GPC5: variants seen among roughly 807,000 people sequenced by gnomAD.
GPC5 encodes glypican 5.
In GPC5, 47 loss-of-function variants were observed where a neutral mutation model predicts 53.9. The observed-to-expected ratio is 0.87, with a 90% CI of 0.69 to 1.11. GPC5 has a LOEUF of 1.11. Ranked by LOEUF, GPC5 falls within the 50% of genes most tolerant of loss-of-function variation. GPC5 has a pLI of 0.00. For synonymous variants in GPC5, 286 were observed against 263.3 expected, an observed-to-expected ratio of 1.09 and a Z score of -0.84; for missense variants, 748 against 713.1, an observed-to-expected ratio of 1.05 and a Z score of -0.56.
At chr13:91,803,390 C>T (rs2038166546) in intron 5 of GPC5, among the ~76,000 whole-genome samples, 1 of 151,902 alleles carries the variant, frequency 6.6e-6, no homozygotes, top group Admixed American at 6.6e-5. Context: ...CATAGTTAAC[C>T]TAAGTATTAT....
At chr13:92,398,406 G>A (rs1416389650) in intron 7 of GPC5, among the ~76,000 whole-genome samples, 1 of 118,478 alleles carries the variant, frequency 8.4e-6, no homozygotes, top group Non-Finnish European at 1.6e-5. Flanking sequence ...TCCAGCCTGG[G>A]CGACAGAGCG....
At chr13:92,694,688 T>G (rs1200897121) in intron 7 of GPC5, among the ~76,000 whole-genome samples, 1 of 152,250 alleles carries the variant, frequency 6.6e-6, no homozygotes, top group East Asian at 1.9e-4. Context: ...TGAAAGTGAC[T>G]TCCCTCATCT....
intron 7 of GPC5, among the ~76,000 whole-genome samples, chr13:92,224,738 A>G (rs1028928695): frequency 5.3e-5 from 8 of 152,200 alleles, no homozygotes; most frequent in Admixed American, 2.6e-4. Flanking sequence ...TCCCTTGTAG[A>G]TAATATTTCA....
chr13:92,147,326 G>A (rs1477121760), intron 7 of GPC5, among the ~76,000 whole-genome samples: 1 of 151,624 alleles, frequency 6.6e-6, no homozygotes, highest in African/African-American at 2.4e-5. Context: ...ATAATTGCAT[G>A]GCCATCTAAA....
intron 7 of GPC5, among the ~76,000 whole-genome samples, chr13:92,239,062 G>A (rs1218038275): frequency 1.3e-5 from 2 of 150,510 alleles, no homozygotes; most frequent in African/African-American, 4.9e-5. Flanking sequence ...TAAATGTGAA[G>A]TTTTATTTGT....
At chr13:92,124,708 C>G (rs946953884) in intron 6 of GPC5, among the ~76,000 whole-genome samples, 2 of 152,100 alleles carry the variant, frequency 1.3e-5, no homozygotes, top group Admixed American at 6.5e-5. Flanking sequence ...GAGAGACAAG[C>G]TGCTGCATCA....
intron 7 of GPC5, among the ~76,000 whole-genome samples, chr13:92,381,728 T>C (rs1192861202): frequency 6.6e-6 from 1 of 151,332 alleles, no homozygotes; most frequent in African/African-American, 2.4e-5. Flanking sequence ...CAATTCACAA[T>C]TGCAAAATCG....
chr13:91,501,793 T>C (rs1884653529), intron 2 of GPC5, among the ~76,000 whole-genome samples: 2 of 152,258 alleles, frequency 1.3e-5, no homozygotes, highest in Non-Finnish European at 2.9e-5. Context: ...ATGGTATTTC[T>C]AGTTCTAGAT....
intron 2 of GPC5, among the ~76,000 whole-genome samples, chr13:91,597,451 C>A (rs2033034409): frequency 1.3e-5 from 2 of 152,140 alleles, no homozygotes; most frequent in Admixed American, 1.3e-4. Context: ...TAATTTTGAG[C>A]CTGCCAATAC....
intron 7 of GPC5, among the ~76,000 whole-genome samples, chr13:92,796,978 A>T (rs1876708634): frequency 6.6e-6 from 1 of 151,958 alleles, no homozygotes; most frequent in Admixed American, 6.6e-5. Context: ...CGAAAAGCAC[A>T]TGAACCCTAA....
chr13:91,650,400 T>C (rs9583950), intron 2 of GPC5, among the ~76,000 whole-genome samples: 27,600 of 149,478 alleles, frequency 0.18, 2,775 homozygotes, highest in East Asian at 0.29. Flanking sequence ...AAACTTGTAG[T>C]ATATATTTTT....
rs181845320 is a variant in GPC5 at position 92,766,918 on chromosome 13, T to C, written c.1562-99364T>C. Among the ~76,000 whole-genome samples the C allele has an allele frequency of 3.6e-3, 541 of 152,350 alleles. 4 individuals carry two copies. The highest frequency in any genetic ancestry group is 0.015 in the South Asian group (71 of 4,832). On this transcript the variant is annotated intron_variant, in intron 7 of 7. Transcript: ENST00000377067. Reference sequence around the variant, plus strand: ...TCTAATTCACTTGAGGCAGAACTATTACAATGCCTCTAGTTGCTATGTTCC... The same window carrying C: ...TCTAATTCACTTGAGGCAGAACTATCACAATGCCTCTAGTTGCTATGTTCC...
intron 6 of GPC5, among the ~76,000 whole-genome samples, chr13:92,107,727 T>C (rs192185026): frequency 7.8e-4 from 119 of 152,294 alleles, no homozygotes; most frequent in African/African-American, 2.8e-3. Flanking sequence ...TATGTGAGCA[T>C]TAAAGCTTAG....
chr13:92,700,474 C>T (rs1887698285), intron 7 of GPC5, among the ~76,000 whole-genome samples: 1 of 152,000 alleles, frequency 6.6e-6, no homozygotes, highest in African/African-American at 2.4e-5. Flanking sequence ...TGCATTTAAT[C>T]CTGCCATTAT....
chr13:92,484,685 A>T (rs1879487563), intron 7 of GPC5: 1 of 152,158 alleles, frequency 6.6e-6, no homozygotes, highest in Admixed American at 6.5e-5. Flanking sequence ...ACAACATGTG[A>T]GTTTGGACCA....
intron 7 of GPC5, among the ~76,000 whole-genome samples, chr13:92,317,754 G>C (rs2043189257): frequency 6.6e-6 from 1 of 152,120 alleles, no homozygotes; most frequent in South Asian, 2.1e-4. Context: ...CACCGCCTCA[G>C]CCTCCCATAG....
intron 7 of GPC5, among the ~76,000 whole-genome samples, chr13:92,213,494 C>A (rs1428669981): frequency 1.7e-5 from 1 of 59,450 alleles, no homozygotes; most frequent in Non-Finnish European, 4.1e-5. Context: ...TGACAACAAT[C>A]ATTATCTAGT....
intron 1 of GPC5, among the ~76,000 whole-genome samples, chr13:91,432,480 CTG>C (rs1245077719): frequency 4.6e-5 from 7 of 152,114 alleles, no homozygotes; most frequent in Admixed American, 3.3e-4. Flanking sequence ...GCTGGAAAAA[CTG>C]TACTCAATCT....
chr13:92,282,593 C>T (rs2042924303), intron 7 of GPC5, among the ~76,000 whole-genome samples: 2 of 152,204 alleles, frequency 1.3e-5, no homozygotes, highest in East Asian at 3.9e-4. Flanking sequence ...GGCCAATATT[C>T]AACATTCTTA....
Sources: gnomAD v4.1 joint callset for allele counts (sites outside exome capture counted in the v4.1 genomes callset) on GRCh38, gnomAD v4.1.1 for gene constraint, MANE v1.5 for transcripts, NCBI Gene and HGNC (gene_info 2026-07-23, HGNC 2026-07-21) for gene names.